RPH3A: variants seen among roughly 807,000 people sequenced by gnomAD.
RPH3A encodes rabphilin 3A.
RPH3A carries 48 observed loss-of-function variants against 102.2 expected under a neutral mutation model. The ratio of observed to expected loss-of-function variants is 0.47; its 90% CI spans 0.37 to 0.60. The LOEUF (loss-of-function observed/expected upper bound fraction) is 0.60, where lower values mean the gene tolerates loss of function less well. Among genes scored for constraint, RPH3A ranks in the 20% least tolerant of loss-of-function variants. The pLI is 0.00. For missense variants in RPH3A, 781 were observed against 910.1 expected, an observed-to-expected ratio of 0.86 and a Z score of 1.83; for synonymous variants, 310 against 324.3, an observed-to-expected ratio of 0.96 and a Z score of 0.47.
chr12:112,597,977 C>T (rs1783350863), intron 1 of RPH3A, among the ~76,000 whole-genome samples: 3 of 152,202 alleles, frequency 2.0e-5, no homozygotes, highest in African/African-American at 7.2e-5. Flanking sequence ...TCCAGGACTA[C>T]AAACAACTTC....
intron 1 of RPH3A, among the ~76,000 whole-genome samples, chr12:112,679,594 T>C (rs2040212937): frequency 2.6e-5 from 4 of 152,120 alleles, no homozygotes; most frequent in Non-Finnish European, 4.4e-5. Context: ...CCCGGCTAAT[T>C]TTCATATTTT....
chr12:112,669,754 A>G (rs2040113942), intron 1 of RPH3A, among the ~76,000 whole-genome samples: 1 of 152,216 alleles, frequency 6.6e-6, no homozygotes, highest in African/African-American at 2.4e-5. Context: ...TTCTTTGCTA[A>G]TATATCTTGT....
chr12:112,692,977 A>G (rs1391446175), intron 1 of RPH3A, among the ~76,000 whole-genome samples: 2 of 152,204 alleles, frequency 1.3e-5, no homozygotes, highest in Non-Finnish European at 2.9e-5. Flanking sequence ...GGAAAACACA[A>G]ATGAATACAA....
intron 1 of RPH3A, among the ~76,000 whole-genome samples, chr12:112,672,973 C>A (rs1428080189): frequency 6.6e-6 from 1 of 152,038 alleles, no homozygotes; most frequent in South Asian, 2.1e-4. Context: ...ACCAACTTAC[C>A]TTCCCCCTGC....
At chr12:112,726,001 A>T (rs1026441451) in intron 1 of RPH3A, among the ~76,000 whole-genome samples, 12 of 152,048 alleles carry the variant, frequency 7.9e-5, no homozygotes, top group East Asian at 5.8e-4. Flanking sequence ...TTCACCGTGT[A>T]AGCCAGGATG....
Position 112,890,796 on chromosome 12 carries a change from A to G in RPH3A, c.1621-53A>G, listed in dbSNP as rs1365986820. On this transcript the variant is annotated intron_variant, in intron 18 of 21. Coordinates refer to ENST00000389385, the MANE Select transcript of RPH3A (RefSeq NM_001143854.2). ...TTCTTCCCTAATGCTCGCCATTCAC[A>G]TTTCCTGGCCCCCTCCCCTCCAAGG... 1.1e-5 allele frequency: 18 copies of G among 1,585,528 alleles called. No homozygotes were observed. In the East Asian group the frequency reaches 3.4e-4, roughly 30 times the overall value.
At chr12:112,660,686 A>C (rs554181538) in intron 1 of RPH3A, among the ~76,000 whole-genome samples, 6 of 152,294 alleles carry the variant, frequency 3.9e-5, no homozygotes, top group Admixed American at 3.3e-4. Flanking sequence ...CCCTGTCTCC[A>C]AAACAAACAA....
chr12:112,894,384 T>A, intron 19 of RPH3A, 194 bp from the exon 20 acceptor site: 1 of 606,004 alleles, frequency 1.7e-6, no homozygotes. Context: ...CATGTGGGGA[T>A]TAAATATGCC....
At chr12:112,811,503 C>CA (rs890382251) in intron 2 of RPH3A, among the ~76,000 whole-genome samples, 2 of 149,390 alleles carry the variant, frequency 1.3e-5, no homozygotes, top group African/African-American at 4.9e-5. Flanking sequence ...TGCAAAAATG[C>CA]AAAAAAAGTG....
chr12:112,609,852 A>G (rs2039625083), intron 1 of RPH3A, among the ~76,000 whole-genome samples: 1 of 152,208 alleles, frequency 6.6e-6, no homozygotes, highest in African/African-American at 2.4e-5. Context: ...CAGTGGGCCA[A>G]TGGTCCTGGT....
intron 4 of RPH3A, among the ~76,000 whole-genome samples, chr12:112,845,481 A>T (rs911477824): frequency 6.6e-6 from 1 of 152,320 alleles, no homozygotes. Context: ...GGCCCATCCT[A>T]GGGCCTCGGG....
chr12:112,657,344 C>T (rs1443603852), intron 1 of RPH3A, among the ~76,000 whole-genome samples: 1 of 151,564 alleles, frequency 6.6e-6, no homozygotes, highest in African/African-American at 2.4e-5. Context: ...GATATTAGTC[C>T]TTTGTCAGAT....
chr12:112,820,265 A>G (rs534158072), intron 2 of RPH3A, among the ~76,000 whole-genome samples: 2 of 152,364 alleles, frequency 1.3e-5, no homozygotes, highest in Admixed American at 1.3e-4. Context: ...ACACTGATGG[A>G]CGATGATGGA....
intron 5 of RPH3A, among the ~76,000 whole-genome samples, chr12:112,862,967 A>G (rs2042546786): frequency 1.3e-5 from 2 of 151,986 alleles, no homozygotes; most frequent in South Asian, 4.2e-4. Flanking sequence ...GACCCAGTCC[A>G]TGGAGGGGTG....
chr12:112,712,879 T>C lies in RPH3A; in HGVS notation c.-139-79264T>C, dbSNP rs190423243. ...TGCCACCACACCCAGCTCACTTTTT[T>C]TTCTTCTTCTTCTTCTTCTTCTTCC... On this transcript the variant is annotated intron_variant, in intron 1 of 21. Coordinates refer to the RPH3A transcript ENST00000543106. 8.2e-4 allele frequency among the ~76,000 whole-genome samples: 112 copies of C among 136,838 alleles called. 1 individual carries two copies. The highest frequency in any genetic ancestry group is 4.6e-3 in the South Asian group (19 of 4,154). 89.8% of individuals were successfully genotyped at this position (136,838 alleles called of 152,430 possible). A position where few individuals can be genotyped will look rare whatever the true frequency, so the allele number is the denominator to read the frequency against.
intron 2 of RPH3A, among the ~76,000 whole-genome samples, chr12:112,795,461 G>A (rs999796016): frequency 6.6e-6 from 1 of 152,214 alleles, no homozygotes; most frequent in African/African-American, 2.4e-5. Flanking sequence ...CTGAAAGAGT[G>A]AAGGAGGTAC....
chr12:112,674,501 T>C (rs2040158837), intron 1 of RPH3A, among the ~76,000 whole-genome samples: 1 of 152,200 alleles, frequency 6.6e-6, no homozygotes, highest in South Asian at 2.1e-4. Context: ...GCTGGACCTC[T>C]TTTGTTGGAT....
intron 1 of RPH3A, among the ~76,000 whole-genome samples, chr12:112,745,596 T>C (rs1022605205): frequency 6.6e-6 from 1 of 152,372 alleles, no homozygotes; most frequent in Admixed American, 6.5e-5. Context: ...TGGTTGTTTT[T>C]GCCAGGTGAG....
chr12:112,700,877 A>G (rs1279430966), intron 1 of RPH3A, among the ~76,000 whole-genome samples: 1 of 152,016 alleles, frequency 6.6e-6, no homozygotes, highest in East Asian at 1.9e-4. Flanking sequence ...TCATGTCCCA[A>G]CCACCTTCTC....
Sources: gnomAD v4.1 joint callset for allele counts (sites outside exome capture counted in the v4.1 genomes callset) on GRCh38, gnomAD v4.1.1 for gene constraint, MANE v1.5 for transcripts, NCBI Gene and HGNC (gene_info 2026-07-23, HGNC 2026-07-21) for gene names.